TRIM49: variants seen among roughly 807,000 people sequenced by gnomAD.
The protein encoded by TRIM49 is tripartite motif containing 49.
Under a neutral mutation model 27.4 loss-of-function variants are expected in TRIM49, and 5 were observed. The ratio of observed to expected loss-of-function variants is 0.18; its 90% CI spans 0.10 to 0.38. The LOEUF is 0.38. TRIM49 is among the 10% of genes least tolerant of loss of function. TRIM49 has a pLI of 1.00. For missense variants in TRIM49, 188 were observed against 487.5 expected, an observed-to-expected ratio of 0.39 and a Z score of 5.79; for synonymous variants, 69 against 166.0, an observed-to-expected ratio of 0.42 and a Z score of 4.49.
chr11:89,804,278 G>T lies in TRIM49; in HGVS notation c.192C>A (p.Leu64=). ...TCTTCTTCAAATGAATGTTGGTTTTGAGGTTTATCTGCTCGGTTGACTTTG... is the reference window on the plus strand; with the variant it reads ...TCTTCTTCAAATGAATGTTGGTTTTTAGGTTTATCTGCTCGGTTGACTTTG... ...ECTKSTEQIN[L]KTNIHLKKMA... The change falls in exon 3 of 8, where the codon CTC becomes CTA. Residue 64 remains leucine, a synonymous_variant. Coordinates refer to ENST00000329758, the MANE Select transcript of TRIM49 (RefSeq NM_020358.2). 6.2e-7 allele frequency: 1 copy of T among 1,612,112 alleles called. No individual in the cohort carries two copies. Among genetic ancestry groups the T allele is most frequent in the African/African-American group, 1.3e-5 (1 of 74,244 alleles).
chr11:89,776,671 CAGG>C, the TRIM49 span, among the ~76,000 whole-genome samples: 1 of 152,054 alleles, frequency 6.6e-6, no homozygotes, highest in East Asian at 1.9e-4. Context: ...ATAAAGTATT[CAGG>C]AGGATAGGTT....
rs577394901 is a variant in TRIM49 at position 89,804,340 on chromosome 11, G to T, written c.130C>A (p.Gln44Lys). The T allele has an allele frequency of 6.2e-7, 1 of 1,611,582 alleles. No homozygotes were observed. The highest frequency in any genetic ancestry group is 8.5e-7 in the Non-Finnish European group (1 of 1,179,144). The change falls in exon 3 of 8, where the codon CAA becomes AAA. Residue 44 changes from glutamine to lysine, a missense_variant. Gln to Lys is a moderately conservative substitution (Grantham distance 53). Coordinates refer to ENST00000329758, the MANE Select transcript of TRIM49 (RefSeq NM_020358.2). ...FCRPCFYLNW[Q>K]DIPFLVQCSE... ...CACTGGACAAGAAATGGGATGTCTT[G>T]CCAGTTGAGGTAGAAACAAGGCCTG... is the stretch of plus-strand genomic sequence containing the variant.
At chr11:89,768,669 A>G in the TRIM49 span, 29 of 387,540 alleles carry the variant, frequency 7.5e-5, 3 homozygotes, top group Non-Finnish European at 1.3e-4. Flanking sequence ...ATACCACACA[A>G]ACACATAAGT....
the TRIM49 span, chr11:89,766,594 A>T: frequency 2.2e-6 from 2 of 893,536 alleles, no homozygotes; most frequent in Non-Finnish European, 3.4e-6. Context: ...AATCCTTGTC[A>T]TCTGTGGCCA....
Position 89,798,164 on chromosome 11 carries a change from G to A in TRIM49, c.1325C>T (p.Pro442Leu), listed in dbSNP as rs1179631600. 1.3e-6 allele frequency: 2 copies of A among 1,483,356 alleles called. No individual in the cohort carries two copies. The highest frequency in any genetic ancestry group is 4.1e-5 in the African/African-American group (2 of 49,226). 91.9% of individuals were successfully genotyped at this position (1,483,356 alleles called of 1,614,324 possible). A position where few individuals can be genotyped will look rare whatever the true frequency, so the allele number is the denominator to read the frequency against. ...AATACAGCAAAAGATAGGCCTGAGA[G>A]GAGGTGAGAAAGAGCAATTAGGGAT... ...YTIPNCSFSPPLRPIFCCIHF is the reference protein window; with the variant it reads ...YTIPNCSFSPLLRPIFCCIHF Residue 442 changes from proline to leucine, a missense_variant, in exon 8 of 8, where the codon CCT becomes CTT. Coordinates refer to ENST00000329758, the MANE Select transcript of TRIM49 (RefSeq NM_020358.2).
At chr11:89,803,592 T>TA (rs1466172837) in intron 4 of TRIM49, 106 bp downstream of exon 4, 3 of 1,477,506 alleles carry the variant, frequency 2.0e-6, no homozygotes, top group South Asian at 1.3e-5. Flanking sequence ...TTTTTTTTTT[T>TA]ACTGTATCCC....
chr11:89,769,034 TA>T, the TRIM49 span, among the ~76,000 whole-genome samples: 1 of 135,286 alleles, frequency 7.4e-6, no homozygotes, highest in African/African-American at 3.5e-5. Context: ...GCAAAAAAAT[TA>T]GCCAGGTGTG....
chr11:89,798,589 GAT>G lies in TRIM49; in HGVS notation c.898_899del (p.Ile300LeufsTer4). 6.5e-7 allele frequency: 1 copy of G among 1,529,378 alleles called. No individual in the cohort carries two copies. The highest frequency in any genetic ancestry group is 8.7e-7 in the Non-Finnish European group (1 of 1,146,776). The allele number at this position is 1,529,378 out of a possible 1,614,324, so 94.7% of individuals were successfully genotyped here. ...TLHHEEANND[I>X]FLYEILRSMC... ...TGCTTCTCAAAATTTCATACAGAAAGATATCATTGTTGGCTTCTTCATGATGC... is the reference window on the plus strand; with the variant it reads ...TGCTTCTCAAAATTTCATACAGAAAGATCATTGTTGGCTTCTTCATGATGC... On this transcript the variant is annotated frameshift_variant, in exon 8 of 8. Coordinates refer to ENST00000329758, the MANE Select transcript of TRIM49 (RefSeq NM_020358.2). LOFTEE classifies it low-confidence loss of function (END_TRUNC).
Position 89,804,357 on chromosome 11 carries a change from C to G in TRIM49, c.113G>C (p.Cys38Ser), listed in dbSNP as rs761932455. ...IDCGHSFCRPCFYLNWQDIPF... is the reference protein window; with the variant it reads ...IDCGHSFCRPSFYLNWQDIPF... ...GATGTCTTGCCAGTTGAGGTAGAAA[C>G]AAGGCCTGCAAAAGCTGTGCCCACA... Residue 38 changes from cysteine to serine, a missense_variant, in exon 3 of 8, where the codon TGT (cysteine) becomes TCT (serine). By Grantham distance (112) the Cys-to-Ser change is moderately radical. Transcript: ENST00000329758. 1.2e-6 allele frequency: 2 copies of G among 1,611,230 alleles called. No homozygotes were observed. Among genetic ancestry groups the G allele is most frequent in the South Asian group, 1.1e-5 (1 of 90,888 alleles).
chr11:89,799,734 T>A lies in TRIM49; in HGVS notation c.841A>T (p.Arg281Trp). The change falls in exon 7 of 8, where the codon AGG becomes TGG. Residue 281 changes from arginine (R) to tryptophan (W), a missense_variant. Transcript: ENST00000329758. ...GACTTACCTCGGAATTGGTTGAGCC[T>A]GTCCCTCAGTCCAGTGATGGGCCCT... Reference protein sequence around the residue: ...SAGPITGLRDRLNQFRVHITL... With the variant: ...SAGPITGLRDWLNQFRVHITL... The A allele has an allele frequency of 1.4e-6, 2 of 1,410,508 alleles. No individual in the cohort carries two copies. Among genetic ancestry groups the A allele is most frequent in the Non-Finnish European group, 1.9e-6 (2 of 1,041,626 alleles). 87.4% of individuals were successfully genotyped at this position (1,410,508 alleles called of 1,614,324 possible).
chr11:89,803,733 G>C lies in TRIM49; in HGVS notation c.472C>G (p.Leu158Val). 7.1e-7 allele frequency: 1 copy of C among 1,411,174 alleles called. No homozygotes were observed. 87.4% of individuals were successfully genotyped at this position (1,411,174 alleles called of 1,614,324 possible). A position where few individuals can be genotyped will look rare whatever the true frequency, so the allele number is the denominator to read the frequency against. The change falls in exon 4 of 8, where the codon CTG becomes GTG. Residue 158 changes from leucine (L) to valine (V), a missense_variant. Physicochemically the swap from Leu to Val is conservative, Grantham distance 32. Around this residue, in one of 6 missense-constraint regions of TRIM49, gnomAD observed 14 missense variants for 118.8 expected, o/e 0.12. Transcript: ENST00000329758. ...CTGGTTCTGGTGGTTTCCACATTCAGGTTTCTGTGATTTTCACAAGCTTTT... is the reference window on the plus strand; with the variant it reads ...CTGGTTCTGGTGGTTTCCACATTCACGTTTCTGTGATTTTCACAAGCTTTT... ...WEKACENHRNLNVETTRTRCW... is the reference protein window; with the variant it reads ...WEKACENHRNVNVETTRTRCW...
At chr11:89,769,227 G>C in the TRIM49 span, among the ~76,000 whole-genome samples, 411 of 129,900 alleles carry the variant, frequency 3.2e-3, 2 homozygotes, top group Non-Finnish European at 4.2e-3. Flanking sequence ...GTTATTCTGC[G>C]CATCTGCTCT....
chr11:89,766,553 T>A, the TRIM49 span: 1 of 633,500 alleles, frequency 1.6e-6, no homozygotes, highest in East Asian at 3.2e-5. Flanking sequence ...GGCTCCCCTG[T>A]ATATGGAGTT....
At chr11:89,773,980 ATTG>A in the TRIM49 span, among the ~76,000 whole-genome samples, 6 of 130,734 alleles carry the variant, frequency 4.6e-5, 1 homozygote, top group South Asian at 1.2e-3. Context: ...TAATGAAATA[ATTG>A]TTGTATTTAA....
chr11:89,804,758 GA>G lies in TRIM49; in HGVS notation c.-4-286del, dbSNP rs547938346. Reference sequence around the variant, plus strand: ...TACCCATTTTCTGAACATAGATCTGGAAATTGGGTTTTGATTCTAAGTGGTC... The same window carrying G: ...TACCCATTTTCTGAACATAGATCTGGAATTGGGTTTTGATTCTAAGTGGTC... On this transcript the variant is annotated intron_variant, in intron 2 of 7. Transcript: ENST00000329758. 5.1e-4 allele frequency among the ~76,000 whole-genome samples: 77 copies of G among 151,436 alleles called. 2 individuals carry two copies. In the South Asian group the frequency reaches 0.012, roughly 24 times the overall value.
chr11:89,787,255 C>T, the TRIM49 span: 369 of 226,010 alleles, frequency 1.6e-3, 9 homozygotes, highest in Non-Finnish European at 2.6e-3. Context: ...ACCACATAGT[C>T]AGGATGACCA....
chr11:89,773,826 T>C, the TRIM49 span, among the ~76,000 whole-genome samples: 2,212 of 133,980 alleles, frequency 0.017, 391 homozygotes, highest in African/African-American at 0.036. Flanking sequence ...TAATCCCAGC[T>C]ACTTGGGAGC....
At chr11:89,805,779 G>A (rs1415273117) in intron 2 of TRIM49, among the ~76,000 whole-genome samples, 2 of 148,576 alleles carry the variant, frequency 1.3e-5, no homozygotes, top group South Asian at 2.1e-4. Context: ...ATGCAGTGGC[G>A]TGATCTCGGC....
chr11:89,795,885 T>G (rs1949684667), downstream of TRIM49, among the ~76,000 whole-genome samples: 1 of 149,668 alleles, frequency 6.7e-6, no homozygotes, highest in South Asian at 2.1e-4. Context: ...TAAAGTATAA[T>G]GAAAAAAAAA....
Sources: allele counts gnomAD v4.1 joint callset (sites outside exome capture counted in the v4.1 genomes callset), GRCh38; gene constraint gnomAD v4.1.1; regional missense constraint gnomAD v4.1.1; transcripts MANE v1.5; gene names NCBI Gene and HGNC (gene_info 2026-07-23, HGNC 2026-07-21).